Variants in ITGBL1 observed in about 807,000 individuals in gnomAD.
The protein encoded by ITGBL1 is integrin beta-like protein 1.
A neutral mutation model predicts 68.5 loss-of-function variants in ITGBL1; 51 were observed. The observed-to-expected ratio is 0.74, with a 90% CI of 0.59 to 0.94. The LOEUF is 0.94. Among genes scored for constraint, ITGBL1 ranks in the 40% least tolerant of loss-of-function variants. The pLI is 0.00. For synonymous variants in ITGBL1, 209 were observed against 227.3 expected (o/e 0.92, Z 0.72); for missense variants, 649 against 647.4 (o/e 1.00, Z -0.03).
intron 2 of ITGBL1, among the ~76,000 whole-genome samples, chr13:101,523,209 A>G (rs1440312016): frequency 6.6e-6 from 1 of 152,174 alleles, no homozygotes; most frequent in African/African-American, 2.4e-5. Context: ...AGGAAATTCA[A>G]TTTATTGCTG....
intron 2 of ITGBL1, among the ~76,000 whole-genome samples, chr13:101,494,398 C>A (rs987086712): frequency 2.6e-5 from 4 of 152,102 alleles, no homozygotes; most frequent in East Asian, 1.9e-4. Flanking sequence ...TATTTTCTGG[C>A]AAACATTGGA....
intron 2 of ITGBL1, among the ~76,000 whole-genome samples, chr13:101,471,739 T>TAGTC (rs1479378392): frequency 6.6e-6 from 1 of 152,140 alleles, no homozygotes; most frequent in Admixed American, 6.5e-5. Context: ...ACGAAATACT[T>TAGTC]GAGATCTCTT....
chr13:101,527,796 A>G (rs947881217), intron 2 of ITGBL1, among the ~76,000 whole-genome samples: 2 of 151,972 alleles, frequency 1.3e-5, no homozygotes, highest in African/African-American at 2.4e-5. Flanking sequence ...GAATATTTTC[A>G]TATGGTTATT....
At chr13:101,718,569 A>G (rs1034330241), downstream of ITGBL1, 3 of 72,428 alleles carry the variant, frequency 4.1e-5, no homozygotes, top group Non-Finnish European at 8.1e-5. Flanking sequence ...TTGGCAAATC[A>G]TCATCACTGA....
intron 6 of ITGBL1, among the ~76,000 whole-genome samples, chr13:101,589,882 A>T (rs528324501): frequency 6.6e-6 from 1 of 152,316 alleles, no homozygotes; most frequent in South Asian, 2.1e-4. Context: ...ACAGGAAAAG[A>T]GGTGTGGGAG....
chr13:101,648,518 C>T (rs2032638179), intron 7 of ITGBL1, among the ~76,000 whole-genome samples: 1 of 152,080 alleles, frequency 6.6e-6, no homozygotes, highest in Admixed American at 6.6e-5. Flanking sequence ...TGCCTGATAG[C>T]ACCACTTGTA....
At chr13:101,694,737 A>G (rs1192014330) in intron 8 of ITGBL1, among the ~76,000 whole-genome samples, 1 of 151,956 alleles carries the variant, frequency 6.6e-6, no homozygotes, top group Non-Finnish European at 1.5e-5. Flanking sequence ...TGGCTTTTGT[A>G]TGTTTTTTCT....
At chr13:101,636,097 T>C (rs779147704) in intron 7 of ITGBL1, among the ~76,000 whole-genome samples, 13 of 152,136 alleles carry the variant, frequency 8.5e-5, no homozygotes, top group South Asian at 2.1e-4. Context: ...CCTTGTATTT[T>C]ATTCTTCCAT....
intron 2 of ITGBL1, among the ~76,000 whole-genome samples, chr13:101,539,887 T>G (rs1209832537): frequency 6.6e-6 from 1 of 152,172 alleles, no homozygotes; most frequent in Admixed American, 6.5e-5. Flanking sequence ...TCACCCACTT[T>G]TTGATGGGGT....
intron 6 of ITGBL1, among the ~76,000 whole-genome samples, chr13:101,583,793 G>C (rs2050505105): frequency 6.6e-6 from 1 of 152,166 alleles, no homozygotes; most frequent in South Asian, 2.1e-4. Flanking sequence ...TATATTTGCA[G>C]TGCTCCTACT....
chr13:101,462,401 T>G (rs2048329559), intron 2 of ITGBL1, among the ~76,000 whole-genome samples: 1 of 152,212 alleles, frequency 6.6e-6, no homozygotes, highest in Non-Finnish European at 1.5e-5. Context: ...GCCCATAGTC[T>G]TCTCAGCATA....
chr13:101,527,985 T>C (rs2049408451), intron 2 of ITGBL1, among the ~76,000 whole-genome samples: 1 of 151,972 alleles, frequency 6.6e-6, no homozygotes, highest in Non-Finnish European at 1.5e-5. Context: ...CTTTTCTTAT[T>C]GTATGCTTTG....
Position 101,715,568 on chromosome 13 carries a change from G to A in ITGBL1, c.1399G>A (p.Gly467Arg), listed in dbSNP as rs757130121. Residue 467 changes from glycine (G) to arginine (R), a missense_variant, in exon 11 of 11, where the codon GGA becomes AGA. Transcript: ENST00000376180. ...CTATATGTATTTTATTGCAGGGAAT[G>A]GAATATGTAGCTGTGGAAACTGTGA... is the stretch of plus-strand genomic sequence containing the variant. ...KHDGLICTGN[G>R]ICSCGNCECW... 2 of 1,609,136 alleles carry A rather than the reference G, an allele frequency of 1.2e-6. No individual in the cohort carries two copies. Among genetic ancestry groups the A allele is most frequent in the Non-Finnish European group, 1.7e-6 (2 of 1,175,532 alleles).
chr13:101,696,339 C>G (rs1457912788), intron 8 of ITGBL1, among the ~76,000 whole-genome samples: 3 of 152,126 alleles, frequency 2.0e-5, no homozygotes, highest in Non-Finnish European at 4.4e-5. Flanking sequence ...ATATGAGGGG[C>G]AGGGTAGGAT....
intron 2 of ITGBL1, among the ~76,000 whole-genome samples, chr13:101,463,317 C>T (rs183345420): frequency 6.6e-6 from 1 of 152,210 alleles, no homozygotes; most frequent in Admixed American, 6.5e-5. Flanking sequence ...CTCTATAGTG[C>T]CAGGGCTGGG....
intron 6 of ITGBL1, among the ~76,000 whole-genome samples, chr13:101,584,220 A>C (rs188581253): frequency 6.6e-6 from 1 of 152,294 alleles, no homozygotes; most frequent in Non-Finnish European, 1.5e-5. Flanking sequence ...AGGGGACAGG[A>C]GACAGCCATG....
chr13:101,671,733 C>T (rs1356683947), intron 7 of ITGBL1, among the ~76,000 whole-genome samples: 9 of 151,914 alleles, frequency 5.9e-5, no homozygotes, highest in Non-Finnish European at 7.4e-5. Context: ...CCACCGCGCC[C>T]GGCCAAAAGT....
At chr13:101,668,743 T>C (rs1273702218) in intron 7 of ITGBL1, among the ~76,000 whole-genome samples, 1 of 152,220 alleles carries the variant, frequency 6.6e-6, no homozygotes, top group Admixed American at 6.5e-5. Flanking sequence ...TAAAATTATG[T>C]TATTTTGAAT....
chr13:101,568,840 G>A (rs2050223044), intron 3 of ITGBL1, among the ~76,000 whole-genome samples: 1 of 152,104 alleles, frequency 6.6e-6, no homozygotes, highest in South Asian at 2.1e-4. Context: ...GTGTTTTGCT[G>A]ATAGGAATCA....
Sources: gnomAD v4.1 joint callset for allele counts (sites outside exome capture counted in the v4.1 genomes callset) on GRCh38, gnomAD v4.1.1 for gene constraint, MANE v1.5 for transcripts, NCBI Gene and HGNC (gene_info 2026-07-23, HGNC 2026-07-21) for gene names.